ARL6IP6: variants seen among roughly 807,000 people sequenced by gnomAD.
ARL6IP6 encodes the protein ARF like GTPase 6 interacting protein 6, also known as ADP-ribosylation factor-like protein 6-interacting protein 6.
Under a neutral mutation model 21.5 loss-of-function variants are expected in ARL6IP6, and 22 were observed. The observed-to-expected ratio is 1.02, with a 90% CI of 0.73 to 1.46. The LOEUF (loss-of-function observed/expected upper bound fraction) is 1.46. Ranked by LOEUF, ARL6IP6 falls within the 40% of genes most tolerant of loss-of-function variation. The pLI is 0.00. For synonymous variants in ARL6IP6, 164 were observed against 125.3 expected (o/e 1.31, Z -2.06); for missense variants, 388 against 299.8 (o/e 1.29, Z -2.17).
intron 3 of ARL6IP6, among the ~76,000 whole-genome samples, chr2:152,751,335 C>G (rs1701320902): frequency 6.6e-6 from 1 of 152,130 alleles, no homozygotes; most frequent in Non-Finnish European, 1.5e-5. Context: ...TTTATCATTT[C>G]TTTGTATTGT....
At chr2:152,749,631 G>A (rs1466102898) in intron 3 of ARL6IP6, among the ~76,000 whole-genome samples, 1 of 152,092 alleles carries the variant, frequency 6.6e-6, no homozygotes, top group African/African-American at 2.4e-5. Context: ...TGTTTCCATT[G>A]TATGGAGAAG....
chr2:152,718,503 G>C (rs1245252296), upstream of ARL6IP6: 2 of 1,379,972 alleles, frequency 1.4e-6, no homozygotes, highest in South Asian at 3.4e-5. Flanking sequence ...TGCTCTCCGT[G>C]GTTTACCCCT....
At chr2:152,728,290 GTTTAC>G (rs1700138665) in intron 2 of ARL6IP6, among the ~76,000 whole-genome samples, 1 of 152,078 alleles carries the variant, frequency 6.6e-6, no homozygotes, top group Non-Finnish European at 1.5e-5. Flanking sequence ...TAATCCCATT[GTTTAC>G]TTATGAAGTT....
upstream of ARL6IP6, chr2:152,718,073 C>T (rs1335500750): frequency 1.0e-6 from 1 of 993,616 alleles, no homozygotes; most frequent in Non-Finnish European, 1.2e-6. Flanking sequence ...GAGAACCACA[C>T]TAAAGGGAGA....
upstream of ARL6IP6, chr2:152,718,106 C>G (rs1699280455): frequency 1.0e-6 from 1 of 983,706 alleles, no homozygotes; most frequent in Non-Finnish European, 1.2e-6. Flanking sequence ...GTTAAGGAAC[C>G]GCGAGAGCGC....
upstream of ARL6IP6, chr2:152,718,228 C>T: frequency 2.8e-6 from 1 of 360,542 alleles, no homozygotes; most frequent in Non-Finnish European, 4.0e-6. Context: ...CGCGAGCGGG[C>T]GCTAGGACCC....
intron 2 of ARL6IP6, among the ~76,000 whole-genome samples, chr2:152,723,616 A>G (rs1381083286): frequency 1.3e-5 from 2 of 152,228 alleles, no homozygotes; most frequent in East Asian, 1.9e-4. Flanking sequence ...AATTTTGTAC[A>G]CTGCAGAATT....
intron 3 of ARL6IP6, among the ~76,000 whole-genome samples, chr2:152,754,333 T>C (rs1014656945): frequency 1.3e-5 from 2 of 152,154 alleles, no homozygotes; most frequent in Admixed American, 1.3e-4. Flanking sequence ...TAATGTAGTC[T>C]TTTGTGTTTA....
Position 152,735,129 on chromosome 2 carries a change from A to C in ARL6IP6, c.587+3A>C. 1 of 1,613,374 alleles carries C rather than the reference A, an allele frequency of 6.2e-7. No homozygotes were observed. The highest frequency in any genetic ancestry group is 8.5e-7 in the Non-Finnish European group (1 of 1,179,536). ...CCTCTTTCACCTGCCAGGTTCAAGT[A>C]AGTATTCCTGTTTCCTGTTTCTTTT... On this transcript the variant is annotated splice_donor_region_variant and intron_variant, in intron 3 of 3. Transcript: ENST00000326446.
rs183435408 is a variant in ARL6IP6 at position 152,741,376 on chromosome 2, C to T, written c.587+6250C>T. On this transcript the variant is annotated intron_variant, in intron 3 of 3. Transcript: ENST00000326446. ...TGTTAAAATAGTAGTCTTTTGCTAT[C>T]TCTGCAGACTTAAGTACCTGGGTTT... Among the ~76,000 whole-genome samples, 16 of 149,112 alleles carry T rather than the reference C, an allele frequency of 1.1e-4. 2 individuals are homozygous for T. In the Middle Eastern group the frequency reaches 0.011, roughly 98 times the overall value.
At chr2:152,718,455 T>C (rs1287768740), upstream of ARL6IP6, 2 of 912,892 alleles carry the variant, frequency 2.2e-6, no homozygotes, top group African/African-American at 3.5e-5. Context: ...GCCTCTCCTT[T>C]GGCCCTGCGG....
At chr2:152,717,724 C>A, upstream of ARL6IP6, 1 of 1,354,398 alleles carries the variant, frequency 7.4e-7, no homozygotes, top group Non-Finnish European at 9.5e-7. Flanking sequence ...GGGAAGACAA[C>A]AGTGTCCCAG....
At chr2:152,756,970 T>A (rs1196726478) in intron 3 of ARL6IP6, among the ~76,000 whole-genome samples, 3 of 152,098 alleles carry the variant, frequency 2.0e-5, no homozygotes, top group African/African-American at 7.2e-5. Flanking sequence ...GTGTTCATAG[T>A]ACCTGTATGT....
chr2:152,735,261 T>C, intron 3 of ARL6IP6, 135 bp downstream of exon 3: 1 of 840,208 alleles, frequency 1.2e-6, no homozygotes, highest in Non-Finnish European at 1.8e-6. Context: ...AACAGGACTT[T>C]TCAGCTTGTA....
At chr2:152,747,072 C>T (rs901828415) in intron 3 of ARL6IP6, among the ~76,000 whole-genome samples, 2 of 152,004 alleles carry the variant, frequency 1.3e-5, no homozygotes, top group African/African-American at 4.8e-5. Context: ...TCAAGCAATC[C>T]TCCTGGCCTA....
At chr2:152,738,946 A>G (rs1309065643) in intron 3 of ARL6IP6, among the ~76,000 whole-genome samples, 1 of 151,228 alleles carries the variant, frequency 6.6e-6, no homozygotes. Context: ...CATAAGTTCC[A>G]ATTCCAAACC....
intron 3 of ARL6IP6, among the ~76,000 whole-genome samples, chr2:152,737,399 A>G (rs1700600406): frequency 1.3e-5 from 2 of 152,210 alleles, no homozygotes; most frequent in African/African-American, 4.8e-5. Flanking sequence ...TTTTAAAAAA[A>G]ATTATCTTTG....
chr2:152,738,422 C>T (rs1194183320), intron 3 of ARL6IP6, among the ~76,000 whole-genome samples: 1 of 152,236 alleles, frequency 6.6e-6, no homozygotes, highest in Non-Finnish European at 1.5e-5. Flanking sequence ...TTCCCTTCTG[C>T]ACTGCCCTAG....
intron 2 of ARL6IP6, among the ~76,000 whole-genome samples, chr2:152,723,791 T>A (rs893863515): frequency 1.1e-5 from 1 of 93,524 alleles, no homozygotes; most frequent in African/African-American, 3.7e-5. Context: ...TACAGAACAT[T>A]AGAAGTGTTA....
Sources: allele counts gnomAD v4.1 joint callset (sites outside exome capture counted in the v4.1 genomes callset), GRCh38; gene constraint gnomAD v4.1.1; transcripts MANE v1.5; gene names NCBI Gene and HGNC (gene_info 2026-07-23, HGNC 2026-07-21).